The following SGCZ variants were observed in gnomAD, a reference collection of about 807,000 sequenced individuals.
SGCZ encodes the protein zeta-sarcoglycan.
SGCZ carries 40 observed loss-of-function variants against 41.3 expected under a neutral mutation model. That is an observed-to-expected ratio of 0.97 (90% CI 0.75 to 1.26). SGCZ has a LOEUF of 1.26. SGCZ is among the 50% of genes most tolerant of loss of function. SGCZ has a pLI of 0.00. For missense variants in SGCZ, 552 were observed against 369.8 expected, an observed-to-expected ratio of 1.49 and a Z score of -4.04; for synonymous variants, 206 against 137.5, an observed-to-expected ratio of 1.50 and a Z score of -3.49.
intron 1 of SGCZ, among the ~76,000 whole-genome samples, chr8:14,628,382 C>T (rs1806533710): frequency 6.6e-6 from 1 of 152,030 alleles, no homozygotes; most frequent in African/African-American, 2.4e-5. Flanking sequence ...CTGTGTTCTC[C>T]TGTTTCACCT....
intron 1 of SGCZ, among the ~76,000 whole-genome samples, chr8:15,048,919 T>C (rs1007095562): frequency 6.6e-6 from 1 of 152,086 alleles, no homozygotes; most frequent in African/African-American, 2.4e-5. Context: ...CTCAAAAAAC[T>C]TGGAATAATT....
chr8:14,981,418 A>C (rs761488517), intron 1 of SGCZ, among the ~76,000 whole-genome samples: 1 of 152,214 alleles, frequency 6.6e-6, no homozygotes, highest in Non-Finnish European at 1.5e-5. Flanking sequence ...CAACTGGTAA[A>C]ATTTTCATGC....
chr8:14,188,124 A>C (rs980071247), intron 4 of SGCZ, among the ~76,000 whole-genome samples: 4 of 152,232 alleles, frequency 2.6e-5, no homozygotes, highest in Non-Finnish European at 5.9e-5. Context: ...AGATAAAGAT[A>C]TTCCCAGATA....
intron 1 of SGCZ, among the ~76,000 whole-genome samples, chr8:15,063,617 C>G (rs997969097): frequency 1.3e-5 from 2 of 152,094 alleles, no homozygotes; most frequent in African/African-American, 4.8e-5. Context: ...GCTATACTGT[C>G]TTCATTATTC....
intron 2 of SGCZ, among the ~76,000 whole-genome samples, chr8:14,425,510 AC>A (rs1465741923): frequency 6.6e-6 from 1 of 151,894 alleles, no homozygotes; most frequent in African/African-American, 2.4e-5. Context: ...AATCCCAGAT[AC>A]TCGGGAGGCT....
intron 1 of SGCZ, among the ~76,000 whole-genome samples, chr8:14,884,281 GTT>G (rs1377225300): frequency 6.6e-6 from 1 of 152,098 alleles, no homozygotes; most frequent in Non-Finnish European, 1.5e-5. Context: ...AACCTGGCGT[GTT>G]TTTGATGCAC....
At chr8:15,065,687 C>T (rs1490129958) in intron 1 of SGCZ, among the ~76,000 whole-genome samples, 1 of 151,922 alleles carries the variant, frequency 6.6e-6, no homozygotes, top group Non-Finnish European at 1.5e-5. Flanking sequence ...AATCCATCTG[C>T]CTCAGTCTCC....
chr8:14,101,044 T>C (rs1802004301), intron 7 of SGCZ, among the ~76,000 whole-genome samples: 1 of 151,970 alleles, frequency 6.6e-6, no homozygotes, highest in Admixed American at 6.6e-5. Context: ...AGCATATAAA[T>C]CATGTATGAG....
chr8:14,684,115 T>C (rs1808531949), intron 1 of SGCZ, among the ~76,000 whole-genome samples: 1 of 152,176 alleles, frequency 6.6e-6, no homozygotes, highest in Admixed American at 6.5e-5. Context: ...TTCCAGTGAT[T>C]ACATCAATTA....
chr8:14,239,374 CAG>C (rs1187361281), intron 3 of SGCZ, among the ~76,000 whole-genome samples: 1 of 151,848 alleles, frequency 6.6e-6, no homozygotes, highest in African/African-American at 2.4e-5. Flanking sequence ...ATGTAAGAAA[CAG>C]GAAAAGTCTA....
At chr8:14,693,351 G>A (rs1318555385) in intron 1 of SGCZ, among the ~76,000 whole-genome samples, 3 of 150,898 alleles carry the variant, frequency 2.0e-5, no homozygotes, top group African/African-American at 7.3e-5. Context: ...GAGTGCAATG[G>A]CACGATCTCG....
chr8:14,946,437 G>A (rs1326351840), intron 1 of SGCZ, among the ~76,000 whole-genome samples: 2 of 152,108 alleles, frequency 1.3e-5, no homozygotes, highest in East Asian at 3.9e-4. Flanking sequence ...CAGCAGGGTG[G>A]TTTTTGCACA....
chr8:15,150,107 T>C (rs1799137793), intron 1 of SGCZ, among the ~76,000 whole-genome samples: 1 of 152,196 alleles, frequency 6.6e-6, no homozygotes, highest in African/African-American at 2.4e-5. Flanking sequence ...ATGTGGCTTG[T>C]GGATTTTTGA....
At chr8:14,434,961 T>A (rs1800047213) in intron 2 of SGCZ, among the ~76,000 whole-genome samples, 1 of 152,120 alleles carries the variant, frequency 6.6e-6, no homozygotes, top group South Asian at 2.1e-4. Flanking sequence ...CTTAGACTTC[T>A]CAGCCTCCAA....
At chr8:15,232,991 A>G (rs758370034) in intron 1 of SGCZ, among the ~76,000 whole-genome samples, 1 of 151,652 alleles carries the variant, frequency 6.6e-6, no homozygotes, top group South Asian at 2.1e-4. Context: ...AATGATATTA[A>G]TTTTTCAAAT....
intron 1 of SGCZ, among the ~76,000 whole-genome samples, chr8:14,819,779 T>C (rs559717084): frequency 1.6e-4 from 24 of 152,256 alleles, no homozygotes; most frequent in African/African-American, 5.5e-4. Context: ...CAAAGTCAAG[T>C]TGCTATGAAC....
intron 1 of SGCZ, among the ~76,000 whole-genome samples, chr8:15,066,298 G>A (rs1177059569): frequency 1.5e-5 from 2 of 133,724 alleles, no homozygotes; most frequent in African/African-American, 5.5e-5. Context: ...CTGGGCGACA[G>A]AGCGAGACTC....
At chr8:14,405,437 C>G (rs544237761) in intron 2 of SGCZ, among the ~76,000 whole-genome samples, 1 of 152,182 alleles carries the variant, frequency 6.6e-6, no homozygotes, top group East Asian at 1.9e-4. Flanking sequence ...TTTTTTACTT[C>G]TGAACTGTTT....
At chr8:14,633,901 AG>A (rs918549435) in intron 1 of SGCZ, among the ~76,000 whole-genome samples, 5 of 151,276 alleles carry the variant, frequency 3.3e-5, no homozygotes, top group African/African-American at 7.2e-5. Flanking sequence ...AACAAACAAA[AG>A]TTTCTTAATT....
Sources: allele counts gnomAD v4.1 joint callset (sites outside exome capture counted in the v4.1 genomes callset), GRCh38; gene constraint gnomAD v4.1.1; transcripts MANE v1.5; gene names NCBI Gene and HGNC (gene_info 2026-07-23, HGNC 2026-07-21).